Variants in NAALADL2 observed in about 807,000 individuals in gnomAD.
NAALADL2 encodes the protein N-acetylated alpha-linked acidic dipeptidase like 2, also known as inactive N-acetylated-alpha-linked acidic dipeptidase-like protein 2.
NAALADL2 carries 76 observed loss-of-function variants against 87.2 expected under a neutral mutation model. The observed-to-expected ratio is 0.87, with a 90% CI of 0.72 to 1.05. NAALADL2 has a LOEUF of 1.05. Ranked by LOEUF, NAALADL2 falls within the 50% of genes least tolerant of loss-of-function variation. NAALADL2 has a pLI of 0.00. For synonymous variants in NAALADL2, 354 were observed against 331.0 expected (o/e 1.07, Z -0.75); for missense variants, 1,089 against 945.8 (o/e 1.15, Z -1.99).
chr3:174,672,434 T>A (rs1209078134), intron 2 of NAALADL2, among the ~76,000 whole-genome samples: 1 of 148,378 alleles, frequency 6.7e-6, no homozygotes, highest in African/African-American at 2.5e-5. Flanking sequence ...TATTCTATCA[T>A]ATGGAAATAG....
chr3:174,655,922 G>T (rs1299936820), intron 2 of NAALADL2, among the ~76,000 whole-genome samples: 1 of 152,140 alleles, frequency 6.6e-6, no homozygotes, highest in Non-Finnish European at 1.5e-5. Flanking sequence ...TCAGGTAGGG[G>T]TGATGTTGTT....
chr3:175,209,879 T>A (rs950916683), intron 2 of NAALADL2, among the ~76,000 whole-genome samples: 1 of 148,746 alleles, frequency 6.7e-6, no homozygotes, highest in African/African-American at 2.5e-5. Context: ...GTGCAGCATT[T>A]AAAAAAATTA....
chr3:175,620,205 T>G (rs1402058059), intron 10 of NAALADL2, among the ~76,000 whole-genome samples: 1 of 152,204 alleles, frequency 6.6e-6, no homozygotes, highest in Non-Finnish European at 1.5e-5. Context: ...CTGTGGCTGC[T>G]GCAACCTCTA....
intron 9 of NAALADL2, among the ~76,000 whole-genome samples, chr3:175,482,064 GAA>G (rs35372328): frequency 6.6e-6 from 1 of 150,996 alleles, no homozygotes. Context: ...GTACTATTGG[GAA>G]AAAAAATATT....
At chr3:175,160,064 C>G (rs1051089491) in intron 2 of NAALADL2, among the ~76,000 whole-genome samples, 2 of 151,144 alleles carry the variant, frequency 1.3e-5, no homozygotes, top group Admixed American at 6.6e-5. Flanking sequence ...GCCTCGAACT[C>G]CGAACCTCAA....
intron 11 of NAALADL2, among the ~76,000 whole-genome samples, chr3:175,700,405 C>A (rs1738827840): frequency 6.6e-6 from 1 of 152,018 alleles, no homozygotes; most frequent in South Asian, 2.1e-4. Context: ...AAGGCTACTG[C>A]AGCAAATTTA....
chr3:174,563,058 C>T (rs1019985071), intron 2 of NAALADL2, among the ~76,000 whole-genome samples: 1 of 151,922 alleles, frequency 6.6e-6, no homozygotes, highest in African/African-American at 2.4e-5. Context: ...TTTAAGTAGT[C>T]ATTTAAGCAA....
At chr3:175,081,346 A>T (rs1717776280) in intron 1 of NAALADL2, 1 of 152,220 alleles carries the variant, frequency 6.6e-6, no homozygotes, top group Non-Finnish European at 1.5e-5. Flanking sequence ...ATCAGCGTTT[A>T]GTATAAATGA....
At chr3:175,515,947 T>C (rs1054573117) in intron 9 of NAALADL2, among the ~76,000 whole-genome samples, 4 of 152,232 alleles carry the variant, frequency 2.6e-5, no homozygotes, top group African/African-American at 9.6e-5. Flanking sequence ...AATGAACATC[T>C]TTCACTTCAA....
chr3:175,346,084 T>A (rs1763124415), intron 5 of NAALADL2, among the ~76,000 whole-genome samples: 1 of 152,168 alleles, frequency 6.6e-6, no homozygotes, highest in African/African-American at 2.4e-5. Flanking sequence ...TTTTTGTGCA[T>A]ATTTGACTGT....
intron 13 of NAALADL2, among the ~76,000 whole-genome samples, chr3:175,762,624 T>C (rs540972976): frequency 6.6e-6 from 1 of 152,262 alleles, no homozygotes; most frequent in East Asian, 1.9e-4. Context: ...TGACCCAAGT[T>C]CTCTTTCCCC....
chr3:175,568,714 A>C (rs1717602202), intron 9 of NAALADL2, among the ~76,000 whole-genome samples: 1 of 152,214 alleles, frequency 6.6e-6, no homozygotes, highest in Non-Finnish European at 1.5e-5. Flanking sequence ...CAACTGCTTC[A>C]GTTAAAATGC....
intron 2 of NAALADL2, among the ~76,000 whole-genome samples, chr3:175,149,507 G>A (rs999626354): frequency 6.6e-6 from 1 of 151,872 alleles, no homozygotes; most frequent in Admixed American, 6.6e-5. Flanking sequence ...ACCTACCACA[G>A]TCTAGCTAAA....
intron 9 of NAALADL2, among the ~76,000 whole-genome samples, chr3:175,476,984 A>G (rs1725783592): frequency 6.6e-6 from 1 of 152,150 alleles, no homozygotes; most frequent in South Asian, 2.1e-4. Flanking sequence ...AAGCTCTTGG[A>G]TAAGTCAATA....
At chr3:175,160,783 A>C (rs1733083743) in intron 2 of NAALADL2, among the ~76,000 whole-genome samples, 1 of 152,222 alleles carries the variant, frequency 6.6e-6, no homozygotes, top group African/African-American at 2.4e-5. Flanking sequence ...AAAGTTAAAA[A>C]AACTTTCACC....
At chr3:174,444,037 G>A (rs1714863517) in intron 1 of NAALADL2, among the ~76,000 whole-genome samples, 1 of 144,714 alleles carries the variant, frequency 6.9e-6, no homozygotes, top group Non-Finnish European at 1.6e-5. Flanking sequence ...GAAATGGAGC[G>A]TTAGTTGTAG....
At chr3:175,316,678 C>T (rs183761020) in intron 4 of NAALADL2, among the ~76,000 whole-genome samples, 2 of 152,272 alleles carry the variant, frequency 1.3e-5, no homozygotes, top group Admixed American at 1.3e-4. Context: ...GCAGATTTCA[C>T]CCCTTTTATG....
At chr3:174,806,682 A>G (rs750800009) in intron 3 of NAALADL2, among the ~76,000 whole-genome samples, 2 of 152,186 alleles carry the variant, frequency 1.3e-5, no homozygotes, top group Admixed American at 6.6e-5. Context: ...GATTGTCTGA[A>G]TCCAAAGCTC....
chr3:174,717,157 A>T (rs1731266527), intron 2 of NAALADL2, among the ~76,000 whole-genome samples: 1 of 152,138 alleles, frequency 6.6e-6, no homozygotes, highest in South Asian at 2.1e-4. Context: ...CTGAATACTA[A>T]TCTGAAGAGT....
Sources: allele counts gnomAD v4.1 joint callset (sites outside exome capture counted in the v4.1 genomes callset), GRCh38; gene constraint gnomAD v4.1.1; transcripts MANE v1.5; gene names NCBI Gene and HGNC (gene_info 2026-07-23, HGNC 2026-07-21).